Variants in GPRC5B observed in about 807,000 individuals in gnomAD.
The protein encoded by GPRC5B is G protein-coupled receptor family C group 5 member B.
A neutral mutation model predicts 30.1 loss-of-function variants in GPRC5B; 16 were observed. The observed-to-expected ratio is 0.53, with a 90% CI of 0.36 to 0.81. The LOEUF is 0.81. GPRC5B is among the 30% of genes least tolerant of loss of function. GPRC5B has a pLI of 0.01. For missense variants in GPRC5B, 428 were observed against 544.7 expected, an observed-to-expected ratio of 0.79 and a Z score of 2.13; for synonymous variants, 241 against 239.5, an observed-to-expected ratio of 1.01 and a Z score of -0.06.
At position 19,859,577 on chromosome 16, in the gene GPRC5B, C is replaced by T. The variant is rs1384607350; in HGVS notation, c.*923G>A. On this transcript the variant is annotated 3_prime_UTR_variant, in exon 4 of 4. Coordinates refer to ENST00000300571, the MANE Select transcript of GPRC5B (RefSeq NM_016235.3). Reference sequence around the variant, plus strand: ...GCGGAAAACCTGCCGTGGTGCCTGCCTTCCAACCTGCCTCCCGGAGGGGCT... The same window carrying T: ...GCGGAAAACCTGCCGTGGTGCCTGCTTTCCAACCTGCCTCCCGGAGGGGCT... The T allele has an allele frequency of 6.6e-6, 1 of 152,322 alleles. No individual in the cohort carries two copies. Among genetic ancestry groups the T allele is most frequent in the African/African-American group, 2.4e-5 (1 of 41,444 alleles). 9.4% of individuals were successfully genotyped at this position (152,322 alleles called of 1,614,324 possible).
chr16:19,873,380 C>G (rs1304755656), intron 1 of GPRC5B, among the ~76,000 whole-genome samples: 1 of 149,888 alleles, frequency 6.7e-6, no homozygotes, highest in Non-Finnish European at 1.5e-5. Context: ...AGCAGAATTG[C>G]TTGAACCTGG....
Position 19,857,109 on chromosome 16 carries a change from C to CT in GPRC5B, c.*3390dup. The CT allele has an allele frequency of 5.5e-6, 1 of 183,192 alleles. No homozygotes were observed. Among genetic ancestry groups the CT allele is most frequent in the Non-Finnish European group, 1.1e-5 (1 of 88,722 alleles). The allele number at this position is 183,192 out of a possible 1,614,324, so 11.3% of individuals were successfully genotyped here. A position where few individuals can be genotyped will look rare whatever the true frequency, so the allele number is the denominator to read the frequency against. ...AGATGTAACAAAGGATTTTTGTTGT[C>CT]TAAGTCCCAAAGTATTATATAGAAA... is the stretch of plus-strand genomic sequence containing the variant. On this transcript the variant is annotated 3_prime_UTR_variant, in exon 4 of 4. Transcript: ENST00000300571.
chr16:19,884,786 C>T lies in GPRC5B; in HGVS notation c.-61G>A, dbSNP rs2141157071. 1.0e-6 allele frequency: 1 copy of T among 984,698 alleles called. No homozygotes were observed. 61.0% of individuals were successfully genotyped at this position (984,698 alleles called of 1,614,324 possible). A position where few individuals can be genotyped will look rare whatever the true frequency, so the allele number is the denominator to read the frequency against. ...CTGGCCTTCGGCCCGAGTCACATCTCTGCGGCGCGGCCGCGGCCCCCGCTC... is the reference window on the plus strand; with the variant it reads ...CTGGCCTTCGGCCCGAGTCACATCTTTGCGGCGCGGCCGCGGCCCCCGCTC... On this transcript the variant is annotated 5_prime_UTR_variant, in exon 1 of 4. Coordinates refer to ENST00000300571, the MANE Select transcript of GPRC5B (RefSeq NM_016235.3).
chr16:19,860,161 G>T lies in GPRC5B; in HGVS notation c.*339C>A, dbSNP rs944819996. ...GTCTGGCCCACCAGCTGTGAATTTG[G>T]TTCTGTTCTACCCCCAGAGGATGAA... On this transcript the variant is annotated 3_prime_UTR_variant, in exon 4 of 4. Transcript: ENST00000300571. The T allele has an allele frequency of 1.3e-5, 3 of 224,400 alleles. No individual in the cohort carries two copies. In the South Asian group the frequency reaches 2.1e-4, roughly 16 times the overall value. The allele number at this position is 224,400 out of a possible 1,614,324, so 13.9% of individuals were successfully genotyped here. A position where few individuals can be genotyped will look rare whatever the true frequency, so the allele number is the denominator to read the frequency against.
Position 19,859,111 on chromosome 16 carries a change from GA to G in GPRC5B, c.*1388del, listed in dbSNP as rs1950551852. ...TTAAAGGCTTATGGGTAGTTTTATA[GA>G]AAAAGCAATGTAGTGATTAGAGTAT... On this transcript the variant is annotated 3_prime_UTR_variant, in exon 4 of 4. Coordinates refer to ENST00000300571, the MANE Select transcript of GPRC5B (RefSeq NM_016235.3). The G allele has an allele frequency of 1.3e-5, 2 of 152,636 alleles. No individual in the cohort carries two copies. Among genetic ancestry groups the G allele is most frequent in the Admixed American group, 6.5e-5 (1 of 15,276 alleles). 9.5% of individuals were successfully genotyped at this position (152,636 alleles called of 1,614,324 possible).
rs1265328438 is a variant in GPRC5B at position 19,857,527 on chromosome 16, TTATC to T, written c.*2969_*2972del. ...CATTAATGCATTTAATAAATATATA[TTATC>T]TATCAAAAGTGAGCCTTAGCTCTTC... On this transcript the variant is annotated 3_prime_UTR_variant, in exon 4 of 4. Coordinates refer to ENST00000300571, the MANE Select transcript of GPRC5B (RefSeq NM_016235.3). 2.5e-6 allele frequency: 1 copy of T among 405,574 alleles called. No individual in the cohort carries two copies. The highest frequency in any genetic ancestry group is 4.7e-6 in the Non-Finnish European group (1 of 212,076). 25.1% of individuals were successfully genotyped at this position (405,574 alleles called of 1,614,324 possible).
At chr16:19,871,006 T>A (rs2056712899) in intron 2 of GPRC5B, among the ~76,000 whole-genome samples, 1 of 151,478 alleles carries the variant, frequency 6.6e-6, no homozygotes, top group Non-Finnish European at 1.5e-5. Flanking sequence ...AAAATCCATA[T>A]CTGAGGCTGA....
chr16:19,874,325 G>A (rs7206060), intron 1 of GPRC5B, among the ~76,000 whole-genome samples: 3,035 of 152,206 alleles, frequency 0.02, 94 homozygotes, highest in African/African-American at 0.068. Flanking sequence ...CCTCCTCCCA[G>A]TGCTGAGCTC....
Position 19,873,418 on chromosome 16 carries a change from C to T in GPRC5B, c.-1-572G>A, listed in dbSNP as rs751625971. Among the ~76,000 whole-genome samples, 8 of 147,858 alleles carry T rather than the reference C, an allele frequency of 5.4e-5. 1 individual carries two copies. Among genetic ancestry groups the T allele is most frequent in the African/African-American group, 7.5e-5 (3 of 39,848 alleles). ...GGCGAAGGTTGCAGTGAGCTGAGCT[C>T]GTGCCACTAAACTCCAGCTTGGGCG... On this transcript the variant is annotated intron_variant, in intron 1 of 3. Coordinates refer to ENST00000300571, the MANE Select transcript of GPRC5B (RefSeq NM_016235.3).
intron 3 of GPRC5B, among the ~76,000 whole-genome samples, chr16:19,861,322 G>A (rs2056620963): frequency 6.6e-6 from 1 of 152,178 alleles, no homozygotes; most frequent in African/African-American, 2.4e-5. Flanking sequence ...TCTGCTGAAG[G>A]TCTGTTTGGC....
At chr16:19,878,663 C>T (rs1052607209) in intron 1 of GPRC5B, among the ~76,000 whole-genome samples, 3 of 152,174 alleles carry the variant, frequency 2.0e-5, no homozygotes, top group African/African-American at 7.2e-5. Context: ...ACCCCTACCT[C>T]ATGCCCGGGA....
At chr16:19,875,392 C>T (rs1200088549) in intron 1 of GPRC5B, among the ~76,000 whole-genome samples, 1 of 152,274 alleles carries the variant, frequency 6.6e-6, no homozygotes, top group East Asian at 1.9e-4. Flanking sequence ...TTTGTCCACA[C>T]ACCACCTGGG....
At chr16:19,864,101 C>G (rs1262183821) in intron 2 of GPRC5B, among the ~76,000 whole-genome samples, 2 of 152,172 alleles carry the variant, frequency 1.3e-5, no homozygotes, top group Non-Finnish European at 2.9e-5. Flanking sequence ...GCAAGCCAGG[C>G]TCACCCACCT....
intron 1 of GPRC5B, among the ~76,000 whole-genome samples, chr16:19,880,428 TAAATAAAATAAAATA>T (rs6145780): frequency 2.9e-5 from 4 of 139,296 alleles, no homozygotes; most frequent in Non-Finnish European, 4.6e-5. Context: ...GTCTCTGTTA[TAAATAAAATAAAATA>T]AAATAAAATA....
At chr16:19,885,038 G>A (rs2056840282), upstream of GPRC5B, 2 of 623,160 alleles carry the variant, frequency 3.2e-6, no homozygotes, top group Non-Finnish European at 4.6e-6. This position sits in a 1 kb window ranked among gnomAD's most constrained non-coding sequence, Gnocchi z 5.3. Context: ...GCCCAAGCTC[G>A]TAGCTTCTAG....
chr16:19,858,337 C>A lies in GPRC5B; in HGVS notation c.*2163G>T. 1 of 442,036 alleles carries A rather than the reference C, an allele frequency of 2.3e-6. No individual in the cohort carries two copies. Among genetic ancestry groups the A allele is most frequent in the Non-Finnish European group, 4.0e-6 (1 of 249,692 alleles). The allele number at this position is 442,036 out of a possible 1,614,324, so 27.4% of individuals were successfully genotyped here. A position where few individuals can be genotyped will look rare whatever the true frequency, so the allele number is the denominator to read the frequency against. ...CAGATTTAAAAGGGGGGAAAAAGGTCTCATTAAATGAGGCTTCCCATGGCT... is the reference window on the plus strand; with the variant it reads ...CAGATTTAAAAGGGGGGAAAAAGGTATCATTAAATGAGGCTTCCCATGGCT... On this transcript the variant is annotated 3_prime_UTR_variant, in exon 4 of 4. Coordinates refer to ENST00000300571, the MANE Select transcript of GPRC5B (RefSeq NM_016235.3).
upstream of GPRC5B, chr16:19,885,328 G>C: frequency 8.2e-7 from 1 of 1,225,050 alleles, no homozygotes; most frequent in Non-Finnish European, 1.0e-6. The surrounding 1 kb of genome is among the most constrained non-coding windows in gnomAD (Gnocchi z 5.3). Context: ...AGGACGCAGA[G>C]AGGATCGATC....
At chr16:19,868,044 G>A (rs1356852883) in intron 2 of GPRC5B, among the ~76,000 whole-genome samples, 1 of 152,020 alleles carries the variant, frequency 6.6e-6, no homozygotes, top group Non-Finnish European at 1.5e-5. Context: ...TCCAGCTCGG[G>A]TGACAGAGTG....
At chr16:19,875,694 G>A (rs574860797) in intron 1 of GPRC5B, among the ~76,000 whole-genome samples, 111 of 152,236 alleles carry the variant, frequency 7.3e-4, no homozygotes, top group Non-Finnish European at 1.2e-3. Context: ...CAGAAGAATC[G>A]CTTGAACCTG....
Sources: allele counts gnomAD v4.1 joint callset (sites outside exome capture counted in the v4.1 genomes callset), GRCh38; gene constraint gnomAD v4.1.1; non-coding constraint Gnocchi (gnomAD v3.1); transcripts MANE v1.5; gene names NCBI Gene and HGNC (gene_info 2026-07-23, HGNC 2026-07-21).